Variants in ITGB3 observed in about 807,000 individuals in gnomAD.
The protein encoded by ITGB3 is integrin subunit beta 3.
ITGB3 carries 48 observed loss-of-function variants against 85.8 expected under a neutral mutation model. The observed-to-expected ratio is 0.56, with a 90% confidence interval of 0.44 to 0.71. The LOEUF is 0.71. Among genes scored for constraint, ITGB3 ranks in the 30% least tolerant of loss-of-function variants. The pLI, the probability that ITGB3 is intolerant of heterozygous loss-of-function variation, is 0.00. For synonymous variants in ITGB3, 363 were observed against 395.6 expected, an observed-to-expected ratio of 0.92 and a Z score of 0.98; for missense variants, 861 against 1,019.1, an observed-to-expected ratio of 0.84 and a Z score of 2.11.
intron 11 of ITGB3, 106 bp from the exon 12 acceptor site, chr17:47,300,372 A>T: frequency 4.1e-6 from 3 of 731,112 alleles, no homozygotes; most frequent in Non-Finnish European, 7.1e-6. Flanking sequence ...TGTGTGTTTT[A>T]ATGGAGGTGG....
In ITGB3 at chr17:47,290,971, A is replaced by T. The variant is rs15908; in HGVS notation, c.1143A>T (p.Val381=). The T allele has an allele frequency of 1.3e-4, 204 of 1,613,844 alleles. 1 individual carries two copies. In the East Asian group the frequency reaches 3.9e-3, roughly 31 times the overall value. The change falls in exon 9 of 15, where the codon GTA becomes GTT. Residue 381 remains valine (V), a synonymous_variant. Coordinates refer to ENST00000559488, the MANE Select transcript of ITGB3 (RefSeq NM_000212.3). ...CTGCTCAGAAAATCCGTTCTAAAGT[A>T]GAGCTGGAAGTGCGTGACCTCCCTG... The part of the protein sequence containing the change: ...VDAYGKIRSK[V]ELEVRDLPEE...
intron 6 of ITGB3, among the ~76,000 whole-genome samples, chr17:47,289,330 C>T (rs1181242730): frequency 6.6e-6 from 1 of 151,920 alleles, no homozygotes; most frequent in African/African-American, 2.4e-5. Context: ...ACTGTCACCC[C>T]CCTTTTTTTT....
At chr17:47,310,103 A>T in intron 14 of ITGB3, 36 bp from the exon 15 acceptor site, 1 of 1,584,322 alleles carries the variant, frequency 6.3e-7, no homozygotes, top group Non-Finnish European at 8.7e-7. Context: ...GGACTTAAGG[A>T]AGTCACTGTA....
At position 47,312,789 on chromosome 17, in the gene ITGB3, GAAC is replaced by G. The variant is rs2065220704; in HGVS notation, c.*2587_*2589del. Among the ~76,000 whole-genome samples, 1 of 152,196 alleles carries G rather than the reference GAAC, an allele frequency of 6.6e-6. No individual in the cohort carries two copies. Among genetic ancestry groups the G allele is most frequent in the African/African-American group, 2.4e-5 (1 of 41,438 alleles). ...AAATAGCAGTTTTGGCCTGTGGGGTGAACAGCTAAACAGTGTTCTGGCATCAGA... is the reference window on the plus strand; with the variant it reads ...AAATAGCAGTTTTGGCCTGTGGGGTGAGCTAAACAGTGTTCTGGCATCAGA... On this transcript the variant is annotated 3_prime_UTR_variant, in exon 15 of 15. Coordinates refer to ENST00000559488, the MANE Select transcript of ITGB3 (RefSeq NM_000212.3).
intron 12 of ITGB3, 152 bp from the exon 13 acceptor site, chr17:47,302,569 C>T: frequency 1.0e-5 from 9 of 898,192 alleles, no homozygotes; most frequent in Non-Finnish European, 1.6e-5. Flanking sequence ...AACTGCCAGA[C>T]ACAACAGCCA....
chr17:47,292,375 C>T lies in ITGB3; in HGVS notation c.1497C>T (p.Cys499=). 2 of 1,614,218 alleles carry T rather than the reference C, an allele frequency of 1.2e-6. No homozygotes were observed. Among genetic ancestry groups the T allele is most frequent in the Non-Finnish European group, 1.7e-6 (2 of 1,180,032 alleles). Residue 499 remains cysteine (C), a synonymous_variant, in exon 10 of 15, where the codon TGC becomes TGT. Coordinates refer to ENST00000559488, the MANE Select transcript of ITGB3 (RefSeq NM_000212.3). ...GCTGGCTGGGATCCCAGTGTGAGTG[C>T]TCAGAGGAGGACTATCGCCCTTCCC... is the stretch of plus-strand genomic sequence containing the variant. ...GPGWLGSQCE[C]SEEDYRPSQQ... is the part of the protein sequence containing the mutation.
intron 6 of ITGB3, among the ~76,000 whole-genome samples, chr17:47,287,606 G>GA (rs992719845): frequency 8.9e-4 from 135 of 151,926 alleles, no homozygotes; most frequent in African/African-American, 3.0e-3. Flanking sequence ...GAAGACAGAG[G>GA]AAAAAAAAGA....
At chr17:47,254,138 T>C (rs1037184724) in intron 1 of ITGB3, among the ~76,000 whole-genome samples, 198 bp downstream of exon 1, 19 of 152,036 alleles carry the variant, frequency 1.2e-4, no homozygotes, top group Non-Finnish European at 1.8e-4. Flanking sequence ...GAGAGGTGCC[T>C]GGTGCCTGGG....
At chr17:47,275,045 G>T (rs891160600) in intron 2 of ITGB3, among the ~76,000 whole-genome samples, 8 of 152,214 alleles carry the variant, frequency 5.3e-5, no homozygotes, top group African/African-American at 1.7e-4. Context: ...GGTTGGGAGG[G>T]GTTGCTGGCT....
chr17:47,283,987 T>C (rs1266128667), intron 3 of ITGB3, among the ~76,000 whole-genome samples: 1 of 152,138 alleles, frequency 6.6e-6, no homozygotes, highest in South Asian at 2.1e-4. Context: ...ACAAGACCTT[T>C]AGAGGGAGGA....
intron 11 of ITGB3, among the ~76,000 whole-genome samples, chr17:47,300,012 C>T (rs1773233523): frequency 6.6e-6 from 1 of 152,226 alleles, no homozygotes; most frequent in South Asian, 2.1e-4. Flanking sequence ...ACCTATGCAG[C>T]TGTATAGGGC....
intron 6 of ITGB3, among the ~76,000 whole-genome samples, chr17:47,289,413 A>G (rs1451942879): frequency 6.6e-6 from 1 of 151,296 alleles, no homozygotes; most frequent in East Asian, 1.9e-4. Flanking sequence ...GTAACCTCCA[A>G]CTCCTGGGCT....
intron 2 of ITGB3, among the ~76,000 whole-genome samples, chr17:47,277,649 T>C (rs2065068602): frequency 6.6e-6 from 1 of 152,212 alleles, no homozygotes; most frequent in South Asian, 2.1e-4. Context: ...TAATTTTTAG[T>C]ATAAGTTTGT....
intron 10 of ITGB3, among the ~76,000 whole-genome samples, chr17:47,293,828 G>A (rs893833986): frequency 1.3e-5 from 2 of 152,106 alleles, no homozygotes; most frequent in South Asian, 2.1e-4. Context: ...GGATGGTCTC[G>A]ATCTCTTGAC....
chr17:47,310,206 G>A lies in ITGB3; in HGVS notation c.*2G>A. 6.2e-7 allele frequency: 1 copy of A among 1,613,174 alleles called. No individual in the cohort carries two copies. Among genetic ancestry groups the A allele is most frequent in the Non-Finnish European group, 8.5e-7 (1 of 1,179,174 alleles). ...AATATCACGTACCGGGGCACTTAAT[G>A]ATAAGCAGTCATCCTCAGATCATTA... is the stretch of plus-strand genomic sequence containing the variant. On this transcript the variant is annotated 3_prime_UTR_variant, in exon 15 of 15. Coordinates refer to ENST00000559488, the MANE Select transcript of ITGB3 (RefSeq NM_000212.3).
chr17:47,302,675 C>T (rs752953144), intron 12 of ITGB3, 46 bp from the exon 13 acceptor site: 1 of 1,612,702 alleles, frequency 6.2e-7, no homozygotes, highest in Non-Finnish European at 8.5e-7. Flanking sequence ...GTCCCATCTT[C>T]CAGTAGTTGT....
rs200815528 is a variant in ITGB3, at chr17:47,306,667, C to CTTATTTAT, written c.2135-799_2135-798insTATTTATT. Among the ~76,000 whole-genome samples, 16 of 152,026 alleles carry CTTATTTAT rather than the reference C, an allele frequency of 1.1e-4. No individual in the cohort carries two copies. In the South Asian group the frequency reaches 1.7e-3, roughly 16 times the overall value. On this transcript the variant is annotated intron_variant, in intron 13 of 14. Coordinates refer to ENST00000559488, the MANE Select transcript of ITGB3 (RefSeq NM_000212.3). ...TGCCAATAAAGTCAATTTTTTATTT[C>CTTATTTAT]TTATTCATTTATTTATTTATTTATT...
chr17:47,265,715 A>G (rs2065022941), intron 1 of ITGB3, among the ~76,000 whole-genome samples: 1 of 152,224 alleles, frequency 6.6e-6, no homozygotes, highest in Non-Finnish European at 1.5e-5. Flanking sequence ...AACTTATAAC[A>G]CATTTTAATA....
chr17:47,276,228 CCTT>C (rs987219933), intron 2 of ITGB3, among the ~76,000 whole-genome samples: 1 of 152,142 alleles, frequency 6.6e-6, no homozygotes, highest in African/African-American at 2.4e-5. Context: ...AAAAAGAAAA[CCTT>C]CTTGGAGGGT....
Sources: gnomAD v4.1 joint callset for allele counts (sites outside exome capture counted in the v4.1 genomes callset) on GRCh38, gnomAD v4.1.1 for gene constraint, MANE v1.5 for transcripts, NCBI Gene and HGNC (gene_info 2026-07-23, HGNC 2026-07-21) for gene names.